Variants in TBCD observed in about 807,000 individuals in gnomAD.
The protein encoded by TBCD is tubulin folding cofactor D, also known as tubulin-specific chaperone D.
A neutral mutation model predicts 169.3 loss-of-function variants in TBCD; 105 were observed. The ratio of observed to expected loss-of-function variants is 0.62; its 90% CI spans 0.53 to 0.73. The LOEUF (loss-of-function observed/expected upper bound fraction) is 0.73, where lower values mean the gene tolerates loss of function less well. Among genes scored for constraint, TBCD ranks in the 30% least tolerant of loss-of-function variants. The pLI, the probability that TBCD is intolerant of heterozygous loss-of-function variation, is 0.00. For missense variants in TBCD, 1,444 were observed against 1,600.1 expected (o/e 0.90, Z 1.66); for synonymous variants, 700 against 643.9 (o/e 1.09, Z -1.32).
intron 7 of TBCD, among the ~76,000 whole-genome samples, chr17:82,786,788 C>T (rs1193724994): frequency 1.3e-5 from 2 of 149,072 alleles, no homozygotes; most frequent in African/African-American, 4.9e-5. Context: ...GTGTCTAGTT[C>T]TGCAGTTTCT....
intron 7 of TBCD, chr17:82,795,920 C>G (rs2050071386): frequency 6.6e-6 from 1 of 152,312 alleles, no homozygotes; most frequent in Non-Finnish European, 1.5e-5. Context: ...AGGCTTCTGA[C>G]CTGGGATTGG....
intron 7 of TBCD, 94 bp downstream of exon 7, chr17:82,781,815 G>A (rs535786314): frequency 8.4e-6 from 13 of 1,542,772 alleles, no homozygotes; most frequent in African/African-American, 5.4e-5. Flanking sequence ...CCATCTTGAC[G>A]TAATTGGAAC....
At chr17:82,794,825 G>T (rs2049987497) in intron 7 of TBCD, among the ~76,000 whole-genome samples, 1 of 152,252 alleles carries the variant, frequency 6.6e-6, no homozygotes. Flanking sequence ...TGTGTGTGCT[G>T]AATGCCCAGG....
Position 82,900,734 on chromosome 17 carries a change from A to G in TBCD, c.1730+3A>G, listed in dbSNP as rs1310569392. On this transcript the variant is annotated splice_donor_region_variant and intron_variant, in intron 18 of 38. Coordinates refer to ENST00000355528, the MANE Select transcript of TBCD (RefSeq NM_005993.5). ...ATGAAGATCAGCCACTGGGATGGGT[A>G]GGTTTTCTGTTTTTGTTTTTCTAAG... 2 of 1,612,664 alleles carry G rather than the reference A, an allele frequency of 1.2e-6. No homozygotes were observed. Among genetic ancestry groups the G allele is most frequent in the Non-Finnish European group, 1.7e-6 (2 of 1,178,836 alleles).
chr17:82,918,455 C>T (rs1388166670), intron 23 of TBCD: 2 of 152,246 alleles, frequency 1.3e-5, no homozygotes, highest in Non-Finnish European at 2.9e-5. Context: ...GAGACCCCAT[C>T]CAGCTGTCCA....
chr17:82,767,675 G>A (rs1406775862), intron 4 of TBCD, among the ~76,000 whole-genome samples: 1 of 152,030 alleles, frequency 6.6e-6, no homozygotes, highest in Non-Finnish European at 1.5e-5. Flanking sequence ...TCTTGACCTC[G>A]GCCAGGCACG....
At position 82,840,466 on chromosome 17, in the gene TBCD, T is replaced by C. The variant is rs183935503; in HGVS notation, c.1318+25532T>C. On this transcript the variant is annotated intron_variant, in intron 13 of 38. Coordinates refer to ENST00000355528, the MANE Select transcript of TBCD (RefSeq NM_005993.5). ...CACAGTATTCATGGCGTCCTTGCCA[T>C]GAGGTCCAGTGAGGCCTTTGAGGAT... 336 of 152,392 alleles carry C rather than the reference T, an allele frequency of 2.2e-3. 1 individual carries two copies. The highest frequency in any genetic ancestry group is 7.3e-3 in the African/African-American group (302 of 41,594). The allele number at this position is 152,392 out of a possible 1,614,324, so 9.4% of individuals were successfully genotyped here.
intron 20 of TBCD, 90 bp downstream of exon 20, chr17:82,906,143 C>A: frequency 1.0e-6 from 1 of 985,106 alleles, no homozygotes; most frequent in Non-Finnish European, 1.5e-6. Flanking sequence ...GAGACTCTCT[C>A]ATCCCTTCTC....
At position 82,833,969 on chromosome 17, in the gene TBCD, A is replaced by G. The variant is rs187257570; in HGVS notation, c.1318+19035A>G. ...GGCTGTTTTTCTTTTTTTGAGACAGAGTTTCTCCCTTGTTGCCCAGTCTGG... is the reference window on the plus strand; with the variant it reads ...GGCTGTTTTTCTTTTTTTGAGACAGGGTTTCTCCCTTGTTGCCCAGTCTGG... On this transcript the variant is annotated intron_variant, in intron 13 of 38. Transcript: ENST00000355528. The surrounding 1 kb of genome is among the most constrained non-coding windows in gnomAD (Gnocchi z 4.7). Among the ~76,000 whole-genome samples, 34 of 150,502 alleles carry G rather than the reference A, an allele frequency of 2.3e-4. 1 individual carries two copies. The highest frequency in any genetic ancestry group is 8.0e-4 in the African/African-American group (33 of 40,994).
intron 20 of TBCD, among the ~76,000 whole-genome samples, chr17:82,907,498 C>T (rs964400358): frequency 2.6e-5 from 4 of 152,186 alleles, no homozygotes; most frequent in African/African-American, 7.2e-5. Context: ...GCCTGGGCAA[C>T]ATAGTGAGAC....
rs559305651 is a variant in TBCD, at chr17:82,888,488, C to T, written c.1534-1180C>T. Among the ~76,000 whole-genome samples, 7 of 152,306 alleles carry T rather than the reference C, an allele frequency of 4.6e-5. No individual in the cohort carries two copies. The South Asian group carries it at 1.2e-3, about 27-fold the overall frequency. ...ATATCTTTGTTGCATTGCCTTTTGG[C>T]GGGTTTTGTTTCTTACTTTCCTAAT... On this transcript the variant is annotated intron_variant, in intron 15 of 38. Transcript: ENST00000355528.
At chr17:82,941,944 G>A (rs1302603759) in intron 38 of TBCD, 2 of 217,778 alleles carry the variant, frequency 9.2e-6, no homozygotes, top group Admixed American at 5.7e-5. Flanking sequence ...CTCGGGGGCT[G>A]GGGCCCAGGG....
At chr17:82,807,727 T>C (rs2051078922) in intron 11 of TBCD, 59 bp downstream of exon 11, 1 of 1,317,442 alleles carries the variant, frequency 7.6e-7, no homozygotes, top group Non-Finnish European at 9.9e-7. Flanking sequence ...CCTGTGCGAT[T>C]CAGCAGCTAC....
chr17:82,841,714 G>A (rs968960648), intron 13 of TBCD, among the ~76,000 whole-genome samples: 4 of 152,174 alleles, frequency 2.6e-5, no homozygotes, highest in African/African-American at 7.2e-5. Context: ...TACGTCTTAG[G>A]ATATATTGTG....
intron 15 of TBCD, among the ~76,000 whole-genome samples, chr17:82,887,168 T>TGTGTGTGTGTGTGTGCGTGCGCGCGCGC: frequency 7.9e-6 from 1 of 126,102 alleles, no homozygotes; most frequent in Non-Finnish European, 1.7e-5. Context: ...TGTGTGTGTG[T>TGTGTGTGTGTGTGTGCGTGCGCGCGCGC]GCGCGCGCGC....
chr17:82,757,699 C>T (rs879403003), intron 2 of TBCD, among the ~76,000 whole-genome samples: 15 of 151,864 alleles, frequency 9.9e-5, no homozygotes, highest in Non-Finnish European at 1.9e-4. Flanking sequence ...GTCCTTCTGT[C>T]CTAGAAAAAT....
In TBCD at chr17:82,942,732, TGTGTGTA is replaced by T. The variant is rs1180453784; in HGVS notation, c.*271_*277del. The T allele has an allele frequency of 1.7e-6, 1 of 579,054 alleles. No individual in the cohort carries two copies. The highest frequency in any genetic ancestry group is 3.1e-6 in the Non-Finnish European group (1 of 324,538). The allele number at this position is 579,054 out of a possible 1,614,324, so 35.9% of individuals were successfully genotyped here. A position where few individuals can be genotyped will look rare whatever the true frequency, so the allele number is the denominator to read the frequency against. ...TCCTGCCTTTTGTCTCTGAGCCTGATGTGTGTAGGGGTGATGGAAAGGCTCACTGCCC... is the reference window on the plus strand; with the variant it reads ...TCCTGCCTTTTGTCTCTGAGCCTGATGGGGTGATGGAAAGGCTCACTGCCC... On this transcript the variant is annotated 3_prime_UTR_variant, in exon 39 of 39. Coordinates refer to ENST00000355528, the MANE Select transcript of TBCD (RefSeq NM_005993.5).
In TBCD at chr17:82,923,796, G is replaced by A. The variant is rs1170507788; in HGVS notation, c.2260+63G>A. On this transcript the variant is annotated intron_variant, in intron 26 of 38. Coordinates refer to ENST00000355528, the MANE Select transcript of TBCD (RefSeq NM_005993.5). This position sits in a 1 kb window ranked among gnomAD's most constrained non-coding sequence, Gnocchi z 4.6. The stretch of plus-strand genomic sequence containing the variant: ...TTCCAGCAGGAAGCTGCTGGGGAGT[G>A]TCTGGGCACGGAGGAGGCCTCGGTT... 9.9e-6 allele frequency: 14 copies of A among 1,411,522 alleles called. No individual in the cohort carries two copies. The highest frequency in any genetic ancestry group is 2.5e-5 in the East Asian group (1 of 40,426). The allele number at this position is 1,411,522 out of a possible 1,614,324, so 87.4% of individuals were successfully genotyped here.
chr17:82,847,093 T>TGTAATCCCA (rs1199286570), intron 13 of TBCD, among the ~76,000 whole-genome samples: 1 of 152,132 alleles, frequency 6.6e-6, no homozygotes, highest in South Asian at 2.1e-4. Flanking sequence ...GGCTCACGCC[T>TGTAATCCCA]GTAATCCCAG....
Sources: gnomAD v4.1 joint callset for allele counts (sites outside exome capture counted in the v4.1 genomes callset) on GRCh38, gnomAD v4.1.1 for gene constraint, Gnocchi (gnomAD v3.1) non-coding constraint, MANE v1.5 for transcripts, NCBI Gene and HGNC (gene_info 2026-07-23, HGNC 2026-07-21) for gene names.